Variants in CACNA1H observed in about 807,000 individuals in gnomAD.
The protein encoded by CACNA1H is calcium voltage-gated channel subunit alpha1 H, also known as voltage-dependent T-type calcium channel subunit alpha-1H.
A neutral mutation model predicts 192.5 loss-of-function variants in CACNA1H; 149 were observed. The observed-to-expected ratio is 0.77, with a 90% CI of 0.68 to 0.89. The LOEUF is 0.89. Among genes scored for constraint, CACNA1H ranks in the 40% least tolerant of loss-of-function variants. CACNA1H has a pLI of 0.00. For missense variants in CACNA1H, 4,257 were observed against 3,423.5 expected (o/e 1.24, Z -6.08); for synonymous variants, 2,202 against 1,475.2 (o/e 1.49, Z -11.29).
In CACNA1H at chr16:1,219,982, A is replaced by AG; in HGVS notation, c.6052dup (p.Ala2018GlyfsTer12). 1 of 1,314,280 alleles carries AG rather than the reference A, an allele frequency of 7.6e-7. No homozygotes were observed. The highest frequency in any genetic ancestry group is 9.7e-7 in the Non-Finnish European group (1 of 1,027,050). The allele number at this position is 1,314,280 out of a possible 1,614,324, so 81.4% of individuals were successfully genotyped here. On this transcript the variant is annotated frameshift_variant and splice_region_variant, in exon 35 of 35. Transcript: ENST00000348261. LOFTEE classifies it low-confidence loss of function (END_TRUNC). Reference sequence around the variant, plus strand: ...CACTTTGACTCTACGCCCCCACAGGAGGCTGTGCACACCGATTCCTTGGAA... The same window carrying AG: ...CACTTTGACTCTACGCCCCCACAGGAGGGCTGTGCACACCGATTCCTTGGAA...
chr16:1,201,091 G>A (rs926880747), intron 8 of CACNA1H, among the ~76,000 whole-genome samples: 22 of 152,134 alleles, frequency 1.4e-4, no homozygotes, highest in African/African-American at 5.3e-4. Context: ...CTTTCCACGG[G>A]CGTGTGTGGC....
intron 6 of CACNA1H, among the ~76,000 whole-genome samples, chr16:1,199,838 C>T (rs541973804): frequency 7.5e-4 from 114 of 152,220 alleles, no homozygotes; most frequent in African/African-American, 2.7e-3. Context: ...CTTCCCTCCC[C>T]TCGTCCCTTG....
Position 1,195,442 on chromosome 16 carries a change from C to A in CACNA1H, c.422C>A (p.Ala141Asp). 6.4e-7 allele frequency: 1 copy of A among 1,555,190 alleles called. No homozygotes were observed. Among genetic ancestry groups the A allele is most frequent in the Non-Finnish European group, 8.7e-7 (1 of 1,148,960 alleles). ...TGCCTCCTCCCGCAGGCCTTTGACG[C>A]CTTCATTTTCGCCTTTTTTGCGGTG... ...ERCNILEAFD[A>D]FIFAFFAVEM... is the part of the protein sequence containing the mutation. The change falls in exon 4 of 35, where the codon GCC becomes GAC. Residue 141 changes from alanine to aspartate, a missense_variant. Physicochemically the swap from Ala to Asp is moderately radical, Grantham distance 126. Coordinates refer to ENST00000348261, the MANE Select transcript of CACNA1H (RefSeq NM_021098.3).
intron 5 of CACNA1H, among the ~76,000 whole-genome samples, chr16:1,197,905 C>G (rs1016554882): frequency 1.3e-5 from 2 of 152,144 alleles, no homozygotes; most frequent in African/African-American, 4.8e-5. Context: ...CTTGGCTGAC[C>G]CACTTGCTGG....
intron 34 of CACNA1H, 51 bp downstream of exon 34, chr16:1,219,181 G>T (rs1970282260): frequency 6.8e-7 from 1 of 1,462,202 alleles, no homozygotes; most frequent in Non-Finnish European, 9.1e-7. Flanking sequence ...TGGGGGGCTT[G>T]CAGGGATGCC....
In CACNA1H at chr16:1,203,913, G is replaced by A. The variant is rs982022387; in HGVS notation, c.2003-97G>A. 9.4e-6 allele frequency: 8 copies of A among 847,012 alleles called. No individual in the cohort carries two copies. The African/African-American group carries it at 1.4e-4, about 15-fold the overall frequency. The allele number at this position is 847,012 out of a possible 1,614,324, so 52.5% of individuals were successfully genotyped here. ...ACTCTGGATGGATCTTTCTGGGGGGGACACATTCACCCCACCGCTCCTGTG... is the reference window on the plus strand; with the variant it reads ...ACTCTGGATGGATCTTTCTGGGGGGAACACATTCACCCCACCGCTCCTGTG... On this transcript the variant is annotated intron_variant, in intron 9 of 34. Coordinates refer to ENST00000348261, the MANE Select transcript of CACNA1H (RefSeq NM_021098.3).
Position 1,205,239 on chromosome 16 carries a change from C to G in CACNA1H, c.2577C>G (p.Ile859Met), listed in dbSNP as rs569439669. The change falls in exon 11 of 35, where the codon ATC (isoleucine) becomes ATG (methionine). Residue 859 changes from isoleucine (I) to methionine (M), a missense_variant. Coordinates refer to ENST00000348261, the MANE Select transcript of CACNA1H (RefSeq NM_021098.3). ...PLGYIRNPYN[I>M]FDGIIVVISV... ...GCTACATCCGGAACCCGTACAACAT[C>G]TTCGACGGCATCATCGTGGTCATCA... The G allele has an allele frequency of 1.2e-6, 2 of 1,610,060 alleles. No individual in the cohort carries two copies.
intron 26 of CACNA1H, among the ~76,000 whole-genome samples, 163 bp downstream of exon 26, chr16:1,212,691 C>A (rs1056660687): frequency 6.6e-6 from 1 of 152,176 alleles, no homozygotes; most frequent in Admixed American, 6.5e-5. Flanking sequence ...CGCCAGTGTC[C>A]GGGCTGCTGT....
chr16:1,218,983 T>C lies in CACNA1H; in HGVS notation c.5901T>C (p.Ser1967=). 6.5e-7 allele frequency: 1 copy of C among 1,550,250 alleles called. No individual in the cohort carries two copies. Among genetic ancestry groups the C allele is most frequent in the Non-Finnish European group, 8.7e-7 (1 of 1,146,894 alleles). The change falls in exon 34 of 35, where the codon TCT becomes TCC. Residue 1967 remains serine, a synonymous_variant. Coordinates refer to ENST00000348261, the MANE Select transcript of CACNA1H (RefSeq NM_021098.3). The part of the protein sequence containing the change: ...GAGTPLGSVA[S]VHSPPAESCA... Reference sequence around the variant, plus strand: ...TCCCTGCCCCAGGCTCCGTTGCCTCTGTGCACTCTCCGCCCGCAGAGTCCT... The same window carrying C: ...TCCCTGCCCCAGGCTCCGTTGCCTCCGTGCACTCTCCGCCCGCAGAGTCCT...
At position 1,205,279 on chromosome 16, in the gene CACNA1H, C is replaced by A; in HGVS notation, c.2603+14C>A. 6.3e-7 allele frequency: 1 copy of A among 1,588,756 alleles called. No individual in the cohort carries two copies. The highest frequency in any genetic ancestry group is 1.7e-5 in the Admixed American group (1 of 58,876). On this transcript the variant is annotated intron_variant, in intron 11 of 34. Coordinates refer to ENST00000348261, the MANE Select transcript of CACNA1H (RefSeq NM_021098.3). ...CGTGGTCATCAGGTGGGTCCCCACC[C>A]TCTCCCCAGGAAGAGGGGCCCGGGA... is the stretch of plus-strand genomic sequence containing the variant.
Position 1,209,327 on chromosome 16 carries a change from A to G in CACNA1H, c.3659A>G (p.Gln1220Arg), listed in dbSNP as rs763161866. The G allele has an allele frequency of 9.4e-6, 15 of 1,597,358 alleles. No individual in the cohort carries two copies. The East Asian group carries it at 3.1e-4, about 33-fold the overall frequency. ...ACCAAGTGCCGCGATCGCGACGGGC[A>G]GGTGGTGGCCCTGCCCAGCGACTTC... ...PPTKCRDRDG[Q>R]VVALPSDFFL... The change falls in exon 17 of 35, where the codon CAG (glutamine) becomes CGG (arginine). Residue 1220 changes from glutamine (Q) to arginine (R), a missense_variant. Coordinates refer to ENST00000348261, the MANE Select transcript of CACNA1H (RefSeq NM_021098.3).
intron 2 of CACNA1H, among the ~76,000 whole-genome samples, chr16:1,163,936 C>G (rs1459716547): frequency 6.6e-6 from 1 of 152,220 alleles, no homozygotes; most frequent in Admixed American, 6.5e-5. Context: ...GACTCAGCGG[C>G]TCAGCTTCTT....
In CACNA1H at chr16:1,218,244, A is replaced by G. The variant is rs202070652; in HGVS notation, c.5480A>G (p.His1827Arg). The change falls in exon 33 of 35, where the codon CAC (histidine) becomes CGC (arginine). Residue 1827 changes from histidine to arginine, a missense_variant. Physicochemically the swap from His to Arg is conservative, Grantham distance 29. Coordinates refer to ENST00000348261, the MANE Select transcript of CACNA1H (RefSeq NM_021098.3). The part of the protein sequence containing the change: ...TLRECSREDK[H>R]CLSYLPALSP... ...CGCGAGTGCTCCCGTGAGGACAAGC[A>G]CTGCCTGAGCTACCTGCCGGCCCTG... 2.6e-6 allele frequency: 4 copies of G among 1,550,582 alleles called. No homozygotes were observed. The highest frequency in any genetic ancestry group is 2.7e-5 in the African/African-American group (2 of 73,176).
chr16:1,219,191 C>T (rs1970283308), intron 34 of CACNA1H, 61 bp downstream of exon 34: 3 of 1,422,980 alleles, frequency 2.1e-6, no homozygotes, highest in South Asian at 1.4e-5. Flanking sequence ...GCAGGGATGC[C>T]TCGTCTCATC....
intron 31 of CACNA1H, 42 bp from the exon 32 acceptor site, chr16:1,217,877 G>A (rs753895140): frequency 1.3e-5 from 20 of 1,557,496 alleles, no homozygotes; most frequent in East Asian, 1.2e-4. Context: ...GCCTCCACCC[G>A]GAGCGGGCTC....
rs771573369 is a variant in CACNA1H at position 1,220,362 on chromosome 16, C to G, written c.6430C>G (p.Leu2144Val). 3.3e-6 allele frequency: 5 copies of G among 1,525,492 alleles called. No homozygotes were observed. Among genetic ancestry groups the G allele is most frequent in the South Asian group, 1.3e-5 (1 of 78,972 alleles). 94.5% of individuals were successfully genotyped at this position (1,525,492 alleles called of 1,614,324 possible). ...CTACAGCGTGGATGCTCAGGGCTTCCTGGACAAGCCGGGCCGGGCAGACGA... is the reference window on the plus strand; with the variant it reads ...CTACAGCGTGGATGCTCAGGGCTTCGTGGACAAGCCGGGCCGGGCAGACGA... ...RLYSVDAQGF[L>V]DKPGRADEQW... Residue 2144 changes from leucine (L) to valine (V), a missense_variant, in exon 35 of 35, where the codon CTG becomes GTG. By Grantham distance (32) the Leu-to-Val change is conservative. Transcript: ENST00000348261.
rs57864290 is a variant in CACNA1H, at chr16:1,167,750, C to T, written c.299+13714C>T. ...GCTTCCTGAAAGGAGCCCACCCCTCCTTCAGGGACACACCCAGACACGGGA... is the reference window on the plus strand; with the variant it reads ...GCTTCCTGAAAGGAGCCCACCCCTCTTTCAGGGACACACCCAGACACGGGA... On this transcript the variant is annotated intron_variant, in intron 2 of 34. Transcript: ENST00000348261. This position sits in a 1 kb window ranked among gnomAD's most constrained non-coding sequence, Gnocchi z 4.2. Among the ~76,000 whole-genome samples, 886 of 152,342 alleles carry T rather than the reference C, an allele frequency of 5.8e-3. 8 individuals carry two copies. Among genetic ancestry groups the T allele is most frequent in the African/African-American group, 0.02 (828 of 41,572 alleles).
At chr16:1,193,384 C>T (rs1016802656) in intron 2 of CACNA1H, among the ~76,000 whole-genome samples, 1 of 152,360 alleles carries the variant, frequency 6.6e-6, no homozygotes, top group African/African-American at 2.4e-5. Flanking sequence ...ACGGCTTCCA[C>T]AGCAGGGCCT....
rs985901427 is a variant in CACNA1H, at chr16:1,180,562, ACAGC to A, written c.300-14406_300-14403del. ...TGGGTCCTGAGCAGGGGCTGCAGTC[ACAGC>A]CAGGCCGTGGGGGGGCCAGGGAGGA... On this transcript the variant is annotated intron_variant, in intron 2 of 34. Coordinates refer to ENST00000348261, the MANE Select transcript of CACNA1H (RefSeq NM_021098.3). This position sits in a 1 kb window ranked among gnomAD's most constrained non-coding sequence, Gnocchi z 4.4. 6.6e-6 allele frequency among the ~76,000 whole-genome samples: 1 copy of A among 152,052 alleles called. No homozygotes were observed. The highest frequency in any genetic ancestry group is 2.4e-5 in the African/African-American group (1 of 41,406).
Sources: gnomAD v4.1 joint callset for allele counts (sites outside exome capture counted in the v4.1 genomes callset) on GRCh38, gnomAD v4.1.1 for gene constraint, Gnocchi (gnomAD v3.1) non-coding constraint, MANE v1.5 for transcripts, NCBI Gene and HGNC (gene_info 2026-07-23, HGNC 2026-07-21) for gene names.